Variants in ADGRB1 observed in about 807,000 individuals in gnomAD.
The protein encoded by ADGRB1 is adhesion G protein-coupled receptor B1, also known as brain-specific angiogenesis inhibitor 1.
Under a neutral mutation model 175.7 loss-of-function variants are expected in ADGRB1, and 36 were observed. The observed-to-expected ratio is 0.20, with a 90% confidence interval of 0.16 to 0.27. The LOEUF (loss-of-function observed/expected upper bound fraction) is 0.27, where lower values mean the gene tolerates loss of function less well. ADGRB1 is among the 10% of genes least tolerant of loss of function. The probability of loss-of-function intolerance (pLI) is 1.00; values close to 1 mark genes in which losing one functional copy is unlikely to be tolerated. For missense variants in ADGRB1, 1,731 were observed against 2,255.3 expected (o/e 0.77, Z 4.71); for synonymous variants, 1,054 against 979.4 (o/e 1.08, Z -1.42).
intron 1 of ADGRB1, among the ~76,000 whole-genome samples, chr8:142,458,380 G>A (rs1180581028): frequency 1.3e-5 from 2 of 152,164 alleles, no homozygotes; most frequent in East Asian, 3.9e-4. Flanking sequence ...GGAGGCGGGT[G>A]CAGTGCCTCT....
intron 11 of ADGRB1, among the ~76,000 whole-genome samples, chr8:142,482,095 G>T (rs1308084900): frequency 6.7e-6 from 1 of 148,344 alleles, no homozygotes; most frequent in Non-Finnish European, 1.5e-5. Flanking sequence ...CACACACCAT[G>T]TCCTGATCCT....
intron 18 of ADGRB1, among the ~76,000 whole-genome samples, chr8:142,514,192 G>A (rs375485887): frequency 7.2e-4 from 110 of 152,194 alleles, no homozygotes; most frequent in African/African-American, 2.2e-3. Flanking sequence ...GTGGCCTACA[G>A]GGGCTGCTGA....
intron 17 of ADGRB1, among the ~76,000 whole-genome samples, chr8:142,503,607 C>T (rs1842728539): frequency 6.6e-6 from 1 of 151,730 alleles, no homozygotes; most frequent in African/African-American, 2.4e-5. Flanking sequence ...TGAGTGCCAG[C>T]CTCCTGCTGG....
chr8:142,470,790 C>G (rs1331150024), intron 2 of ADGRB1, among the ~76,000 whole-genome samples: 1 of 152,120 alleles, frequency 6.6e-6, no homozygotes, highest in Non-Finnish European at 1.5e-5. Flanking sequence ...TGACCTCCCC[C>G]TCCCTGCCCT....
rs1294146727 is a variant in ADGRB1, at chr8:142,511,067, C to T, written c.2811C>T (p.Ala937=). ...TCGCCATCTTAGCCCAGCTCAGCGC[C>T]GACGCGGTGAGACCCCGGCCGGGCC... The part of the protein sequence containing the change: ...STFAILAQLS[A]DANMEKATLP... The change falls in exon 18 of 31, where the codon GCC becomes GCT. Residue 937 remains alanine (A), a synonymous_variant. Coordinates refer to ENST00000517894, the MANE Select transcript of ADGRB1 (RefSeq NM_001702.3). The surrounding 1 kb of genome is among the most constrained non-coding windows in gnomAD (Gnocchi z 4.5). 8.4e-7 allele frequency: 1 copy of T among 1,190,102 alleles called. No homozygotes were observed. Among genetic ancestry groups the T allele is most frequent in the East Asian group, 4.9e-5 (1 of 20,436 alleles). The allele number at this position is 1,190,102 out of a possible 1,614,324, so 73.7% of individuals were successfully genotyped here. A position where few individuals can be genotyped will look rare whatever the true frequency, so the allele number is the denominator to read the frequency against.
chr8:142,528,694 C>G (rs927687636), intron 24 of ADGRB1, among the ~76,000 whole-genome samples: 1 of 152,316 alleles, frequency 6.6e-6, no homozygotes, highest in Middle Eastern at 3.4e-3. Flanking sequence ...TGGGGCTCCG[C>G]GCTCTGAGTC....
intron 24 of ADGRB1, among the ~76,000 whole-genome samples, chr8:142,530,167 G>C (rs1027933187): frequency 3.9e-5 from 6 of 152,114 alleles, no homozygotes; most frequent in African/African-American, 1.4e-4. Context: ...GTGTGTGCGT[G>C]TGTGTGTATG....
intron 14 of ADGRB1, 60 bp from the exon 15 acceptor site, chr8:142,488,975 C>G: frequency 1.9e-6 from 3 of 1,567,090 alleles, no homozygotes; most frequent in Non-Finnish European, 2.6e-6. Context: ...GGCCAGGCTG[C>G]CAAGTCCCAC....
chr8:142,512,087 C>T (rs568678867), intron 18 of ADGRB1, among the ~76,000 whole-genome samples: 1 of 152,352 alleles, frequency 6.6e-6, no homozygotes. Context: ...GCTGGGGTCT[C>T]CCACAGTGCC....
intron 25 of ADGRB1, among the ~76,000 whole-genome samples, chr8:142,534,756 G>A (rs1318276954): frequency 2.6e-5 from 4 of 152,314 alleles, no homozygotes; most frequent in Middle Eastern, 6.8e-3. Flanking sequence ...AGCCCAGGAA[G>A]GAGAAACCTC....
At chr8:142,539,481 G>A (rs1009200246) in intron 27 of ADGRB1, 68 bp downstream of exon 27, 25 of 1,550,722 alleles carry the variant, frequency 1.6e-5, no homozygotes, top group East Asian at 7.2e-5. Flanking sequence ...CCACGCCTCC[G>A]CCTGTGCCTC....
intron 1 of ADGRB1, among the ~76,000 whole-genome samples, chr8:142,450,752 T>G (rs1839299287): frequency 6.6e-6 from 1 of 152,054 alleles, no homozygotes; most frequent in South Asian, 2.1e-4. Context: ...CAGTGGAGAC[T>G]CCCTGGAGGT....
rs936840708 is a variant in ADGRB1, at chr8:142,537,764, C to T, written c.3666+682C>T. Among the ~76,000 whole-genome samples the T allele has an allele frequency of 1.3e-5, 2 of 152,154 alleles. No homozygotes were observed. The highest frequency in any genetic ancestry group is 2.1e-4 in the South Asian group (1 of 4,830). Reference sequence around the variant, plus strand: ...ACGACACGCACAGGTCCTGGGAGGGCGGCCCAAGTGGCGGTTCCTACGTAA... The same window carrying T: ...ACGACACGCACAGGTCCTGGGAGGGTGGCCCAAGTGGCGGTTCCTACGTAA... On this transcript the variant is annotated intron_variant, in intron 26 of 30. Coordinates refer to ENST00000517894, the MANE Select transcript of ADGRB1 (RefSeq NM_001702.3). The surrounding 1 kb of genome is among the most constrained non-coding windows in gnomAD (Gnocchi z 4.6).
chr8:142,464,305 C>T lies in ADGRB1; in HGVS notation c.107C>T (p.Ala36Val), dbSNP rs1474376888. The T allele has an allele frequency of 4.3e-6, 6 of 1,403,874 alleles. No homozygotes were observed. Among genetic ancestry groups the T allele is most frequent in the Non-Finnish European group, 5.5e-6 (6 of 1,087,592 alleles). 87.0% of individuals were successfully genotyped at this position (1,403,874 alleles called of 1,614,324 possible). ...GCGCGGGCGGCCGCCGGAGCAGACG[C>T]GGGGCCCGGGCCCGAGCCGTGCGCC... ...RRARAAAGAD[A>V]GPGPEPCATL... The change falls in exon 2 of 31, where the codon GCG becomes GTG. Residue 36 changes from alanine (A) to valine (V), a missense_variant. By Grantham distance (64) the Ala-to-Val change is moderately conservative (BLOSUM62 0). Transcript: ENST00000517894.
At chr8:142,473,720 A>G (rs1251580624) in intron 2 of ADGRB1, among the ~76,000 whole-genome samples, 1 of 152,194 alleles carries the variant, frequency 6.6e-6, no homozygotes, top group Non-Finnish European at 1.5e-5. Flanking sequence ...GAGTGAAGGA[A>G]GAGGGTTCTG....
chr8:142,490,311 C>T (rs1366828570), intron 16 of ADGRB1, among the ~76,000 whole-genome samples: 1 of 152,236 alleles, frequency 6.6e-6, no homozygotes, highest in Non-Finnish European at 1.5e-5. Flanking sequence ...TGTCACTGCC[C>T]CATCTTGGCA....
At chr8:142,497,881 G>A (rs1842295496) in intron 17 of ADGRB1, among the ~76,000 whole-genome samples, 1 of 152,200 alleles carries the variant, frequency 6.6e-6, no homozygotes, top group African/African-American at 2.4e-5. Flanking sequence ...AATGGACCAG[G>A]TCGTAAGGTC....
intron 7 of ADGRB1, chr8:142,479,032 A>C: frequency 6.2e-6 from 2 of 324,664 alleles, no homozygotes; most frequent in Admixed American, 4.9e-5. Context: ...TCTGTGGGGA[A>C]GTGGAGTGTG....
At chr8:142,451,672 C>T (rs963760816) in intron 1 of ADGRB1, among the ~76,000 whole-genome samples, 1 of 152,120 alleles carries the variant, frequency 6.6e-6, no homozygotes, top group Non-Finnish European at 1.5e-5. Context: ...CACGCCCCCT[C>T]GGAGCGAGAG....
Sources: gnomAD v4.1 joint callset for allele counts (sites outside exome capture counted in the v4.1 genomes callset) on GRCh38, gnomAD v4.1.1 for gene constraint, Gnocchi (gnomAD v3.1) non-coding constraint, MANE v1.5 for transcripts, NCBI Gene and HGNC (gene_info 2026-07-23, HGNC 2026-07-21) for gene names.